The following LRMDA variants were observed in gnomAD, a reference collection of about 807,000 sequenced individuals.
The protein encoded by LRMDA is leucine rich melanocyte differentiation associated.
LRMDA carries 18 observed loss-of-function variants against 29.8 expected under a neutral mutation model. The ratio of observed to expected loss-of-function variants is 0.60; its 90% CI spans 0.42 to 0.90. The LOEUF is 0.90. LRMDA is among the 40% of genes least tolerant of loss of function. LRMDA has a pLI of 0.00. For missense variants in LRMDA, 273 were observed against 273.9 expected, an observed-to-expected ratio of 1.00 and a Z score of 0.02; for synonymous variants, 125 against 109.4, an observed-to-expected ratio of 1.14 and a Z score of -0.89.
chr10:76,202,850 T>C (rs143526818), intron 5 of LRMDA, among the ~76,000 whole-genome samples: 74 of 152,164 alleles, frequency 4.9e-4, no homozygotes, highest in African/African-American at 1.7e-3. Flanking sequence ...CTTCTTTGGA[T>C]GCAAATAACA....
chr10:75,667,782 C>T (rs1465168938), intron 2 of LRMDA, among the ~76,000 whole-genome samples: 1 of 152,126 alleles, frequency 6.6e-6, no homozygotes, highest in African/African-American at 2.4e-5. Context: ...ATGATCTGGT[C>T]TGAACTCCTT....
chr10:76,095,929 C>A (rs577099757), intron 5 of LRMDA, among the ~76,000 whole-genome samples: 1 of 146,864 alleles, frequency 6.8e-6, no homozygotes, highest in Non-Finnish European at 1.5e-5. Flanking sequence ...TGGGAGACAG[C>A]GAGACTCCGT....
At chr10:75,656,268 C>T (rs1477991714) in intron 2 of LRMDA, among the ~76,000 whole-genome samples, 2 of 152,138 alleles carry the variant, frequency 1.3e-5, no homozygotes, top group African/African-American at 4.8e-5. Context: ...ATTCTGGAGC[C>T]AGATTGCTTG....
intron 2 of LRMDA, among the ~76,000 whole-genome samples, chr10:75,673,483 G>C (rs755756112): frequency 2.0e-5 from 3 of 152,166 alleles, no homozygotes; most frequent in East Asian, 1.9e-4. Flanking sequence ...TGAAGCCCTT[G>C]CTCAGTGCCT....
At chr10:76,323,731 T>C in intron 5 of LRMDA, among the ~76,000 whole-genome samples, 1 of 152,076 alleles carries the variant, frequency 6.6e-6, no homozygotes, top group East Asian at 1.9e-4. Context: ...GGTTAAAGAG[T>C]TGTCTGCGTA....
intron 2 of LRMDA, among the ~76,000 whole-genome samples, chr10:75,958,595 G>A (rs1237268746): frequency 1.3e-5 from 2 of 152,074 alleles, no homozygotes; most frequent in Non-Finnish European, 2.9e-5. Context: ...TCTCTAATAA[G>A]TGTAGAGTTT....
intron 6 of LRMDA, among the ~76,000 whole-genome samples, chr10:76,465,191 C>T (rs1218976038): frequency 1.3e-5 from 2 of 152,186 alleles, no homozygotes; most frequent in African/African-American, 4.8e-5. Context: ...AAGTGGTCAG[C>T]TCCTCTGATA....
intron 5 of LRMDA, among the ~76,000 whole-genome samples, chr10:76,289,588 G>C (rs938457124): frequency 1.3e-5 from 2 of 152,080 alleles, no homozygotes; most frequent in Admixed American, 6.5e-5. Flanking sequence ...TATTACAGGC[G>C]ATATTTGGAT....
At chr10:76,181,818 A>T (rs1030047753) in intron 5 of LRMDA, among the ~76,000 whole-genome samples, 3 of 152,232 alleles carry the variant, frequency 2.0e-5, no homozygotes, top group Admixed American at 6.5e-5. Flanking sequence ...TTGGGACTAA[A>T]TCTCACAGGG....
intron 6 of LRMDA, among the ~76,000 whole-genome samples, chr10:76,346,797 A>G (rs1393669983): frequency 1.3e-5 from 2 of 152,152 alleles, no homozygotes; most frequent in East Asian, 3.9e-4. Context: ...CCCAGTGCTA[A>G]TAAGTGTCCT....
chr10:76,345,191 C>A (rs78490434), intron 6 of LRMDA, among the ~76,000 whole-genome samples: 8 of 149,296 alleles, frequency 5.4e-5, no homozygotes, highest in Admixed American at 6.7e-5. Context: ...CTCAGCCTCC[C>A]GAGTAGCTGG....
intron 2 of LRMDA, among the ~76,000 whole-genome samples, chr10:75,511,505 C>T (rs1845225720): frequency 6.6e-6 from 1 of 152,138 alleles, no homozygotes; most frequent in African/African-American, 2.4e-5. Flanking sequence ...TGGGAGTGCA[C>T]CTGTGATGTT....
chr10:75,516,916 A>G (rs2132035118), intron 2 of LRMDA, among the ~76,000 whole-genome samples: 1 of 152,238 alleles, frequency 6.6e-6, no homozygotes, highest in East Asian at 1.9e-4. Flanking sequence ...CTTTCTACAT[A>G]TGGCTAGCCA....
chr10:75,980,273 G>T (rs950017277), intron 2 of LRMDA, among the ~76,000 whole-genome samples: 9 of 152,218 alleles, frequency 5.9e-5, no homozygotes, highest in Non-Finnish European at 1.2e-4. Context: ...GGGACACTGA[G>T]ATGATGACCA....
In LRMDA at chr10:76,204,042, T is replaced by C. The variant is rs1851486663; in HGVS notation, c.517-120359T>C. On this transcript the variant is annotated intron_variant, in intron 5 of 6. Coordinates refer to ENST00000611255, the MANE Select transcript of LRMDA (RefSeq NM_001305581.2). ...TCATGTGCCTGTCCACCCATCTCTA[T>C]TCCATGTGCCTGTCCACCCGTCTCT... 2.1e-5 allele frequency among the ~76,000 whole-genome samples: 3 copies of C among 142,194 alleles called. No individual in the cohort carries two copies. The South Asian group carries it at 7.2e-4, about 34-fold the overall frequency. 93.3% of individuals were successfully genotyped at this position (142,194 alleles called of 152,430 possible). A position where few individuals can be genotyped will look rare whatever the true frequency, so the allele number is the denominator to read the frequency against.
At chr10:76,545,072 G>A (rs1466604297) in intron 6 of LRMDA, among the ~76,000 whole-genome samples, 2 of 152,078 alleles carry the variant, frequency 1.3e-5, no homozygotes, top group Admixed American at 6.6e-5. Flanking sequence ...GCCCAAGTAA[G>A]GAAGGCCTTT....
At chr10:76,238,195 G>C (rs531090296) in intron 5 of LRMDA, among the ~76,000 whole-genome samples, 4 of 152,288 alleles carry the variant, frequency 2.6e-5, no homozygotes, top group African/African-American at 7.2e-5. Context: ...CCTTGTTCTA[G>C]AGGGGAAGAG....
At chr10:75,647,196 C>T (rs10458641) in intron 2 of LRMDA, among the ~76,000 whole-genome samples, 24,789 of 152,176 alleles carry the variant, frequency 0.16, 4,750 homozygotes, top group African/African-American at 0.45. Flanking sequence ...AAGTGCATCC[C>T]GAGGCAGTGT....
At chr10:75,813,915 C>T (rs1156754743) in intron 2 of LRMDA, among the ~76,000 whole-genome samples, 1 of 152,190 alleles carries the variant, frequency 6.6e-6, no homozygotes, top group East Asian at 1.9e-4. Flanking sequence ...GCTGAATCTT[C>T]ATTATGCTAA....
Sources: allele counts gnomAD v4.1 joint callset (sites outside exome capture counted in the v4.1 genomes callset), GRCh38; gene constraint gnomAD v4.1.1; transcripts MANE v1.5; gene names NCBI Gene and HGNC (gene_info 2026-07-23, HGNC 2026-07-21).